The following TMC5 variants were observed in gnomAD, a reference collection of about 807,000 sequenced individuals.
TMC5 encodes the protein transmembrane channel-like protein 5.
TMC5 carries 86 observed loss-of-function variants against 110.5 expected under a neutral mutation model. The observed-to-expected ratio is 0.78, with a 90% CI of 0.65 to 0.93. TMC5 has a LOEUF of 0.93. Ranked by LOEUF, TMC5 falls within the 40% of genes least tolerant of loss-of-function variation. The pLI is 0.00. For synonymous variants in TMC5, 455 were observed against 439.5 expected (o/e 1.04, Z -0.44); for missense variants, 1,144 against 1,222.8 (o/e 0.94, Z 0.96).
At chr16:19,438,890 C>A (rs1967417017) in intron 2 of TMC5, among the ~76,000 whole-genome samples, 1 of 152,196 alleles carries the variant, frequency 6.6e-6, no homozygotes, top group Admixed American at 6.5e-5. Context: ...GCCTCCCCAG[C>A]CAGAATAGGT....
intron 6 of TMC5, among the ~76,000 whole-genome samples, chr16:19,461,621 T>G (rs1370055424): frequency 6.6e-6 from 1 of 151,918 alleles, no homozygotes; most frequent in East Asian, 1.9e-4. Context: ...CATAAAGACC[T>G]TAGGAGTTTT....
chr16:19,433,862 C>A (rs879529057), intron 2 of TMC5, among the ~76,000 whole-genome samples: 14 of 149,552 alleles, frequency 9.4e-5, no homozygotes, highest in Non-Finnish European at 1.6e-4. Flanking sequence ...ATTCTGTTGC[C>A]CAGGCTGGAG....
chr16:19,463,218 ATTTT>A, intron 6 of TMC5, 58 bp from the exon 7 acceptor site: 1 of 1,306,806 alleles, frequency 7.7e-7, no homozygotes, highest in South Asian at 1.2e-5. Flanking sequence ...CCATGTAACT[ATTTT>A]TTGAATGAAT....
Position 19,419,260 on chromosome 16 carries a change from G to A in TMC5, c.-308+1168G>A, listed in dbSNP as rs189066821. On this transcript the variant is annotated intron_variant, in intron 1 of 21. Transcript: ENST00000542583. ...GCATAGCCCTGTGCCTGGCATGCAT[G>A]TCAGCACTCAATAAATAGTGCTGTC... Among the ~76,000 whole-genome samples the A allele has an allele frequency of 2.8e-3, 429 of 152,192 alleles. 1 individual carries two copies. Among genetic ancestry groups the A allele is most frequent in the Non-Finnish European group, 4.4e-3 (298 of 68,020 alleles).
At chr16:19,497,285 G>T in intron 21 of TMC5, 122 bp downstream of exon 21, 1 of 1,034,784 alleles carries the variant, frequency 9.7e-7, no homozygotes, top group Non-Finnish European at 1.4e-6. Context: ...ATCCAAACTG[G>T]CTTAAACAAA....
At position 19,449,506 on chromosome 16, in the gene TMC5, G is replaced by C. The variant is rs774872102; in HGVS notation, c.959-36G>C. The C allele has an allele frequency of 3.2e-6, 5 of 1,556,298 alleles. No individual in the cohort carries two copies. The Admixed American group carries it at 8.3e-5, about 26-fold the overall frequency. ...ATGCCAGGAATGTCTAGTGTGGTGA[G>C]ACTAATCGGCAATATCTCCTTCCTC... On this transcript the variant is annotated intron_variant, in intron 4 of 21. Transcript: ENST00000542583.
chr16:19,455,468 G>A (rs1003076900), intron 5 of TMC5, among the ~76,000 whole-genome samples: 1 of 152,052 alleles, frequency 6.6e-6, no homozygotes, highest in Non-Finnish European at 1.5e-5. Context: ...AAAACAAGAA[G>A]CATGGAGGGA....
chr16:19,487,097 G>A, intron 16 of TMC5, 77 bp downstream of exon 16: 1 of 1,609,132 alleles, frequency 6.2e-7, no homozygotes, highest in Non-Finnish European at 8.5e-7. Context: ...GCTGGGGAAG[G>A]GGGCTCTGCA....
chr16:19,459,174 G>A (rs567005582), intron 5 of TMC5, among the ~76,000 whole-genome samples: 6 of 152,166 alleles, frequency 3.9e-5, no homozygotes, highest in South Asian at 2.1e-4. Context: ...GGACAGGACC[G>A]TGAGGATTGG....
At position 19,494,307 on chromosome 16, in the gene TMC5, C is replaced by T; in HGVS notation, c.2872C>T (p.Gln958Ter). 6.2e-7 allele frequency: 1 copy of T among 1,613,342 alleles called. No individual in the cohort carries two copies. The highest frequency in any genetic ancestry group is 8.5e-7 in the Non-Finnish European group (1 of 1,179,694). Reference sequence around the variant, plus strand: ...CCTGATAGAAAAATTGATCAAGCTGCAGGATATGGAGAAGAAAGCAAACCC... The same window carrying T: ...CCTGATAGAAAAATTGATCAAGCTGTAGGATATGGAGAAGAAAGCAAACCC... ...MFLIEKLIKL[Q>*]DMEKKANPSS... Residue 958 changes from glutamine to a stop codon, truncating the protein, a stop_gained, in exon 20 of 22, where the codon CAG becomes TAG. Transcript: ENST00000542583. LOFTEE classifies it high-confidence loss of function.
chr16:19,466,324 T>G, intron 9 of TMC5, 91 bp downstream of exon 9: 1 of 1,353,938 alleles, frequency 7.4e-7, no homozygotes, highest in South Asian at 1.3e-5. Context: ...GGTAACAGTT[T>G]CTCTGCAGTC....
At chr16:19,469,915 A>G (rs1261993199) in intron 10 of TMC5, 90 bp downstream of exon 10, 2 of 1,218,554 alleles carry the variant, frequency 1.6e-6, no homozygotes, top group Non-Finnish European at 2.3e-6. Context: ...TTTTTTTTGA[A>G]TTGGAGTCTC....
At chr16:19,486,293 G>C (rs939052341) in intron 15 of TMC5, among the ~76,000 whole-genome samples, 2 of 152,146 alleles carry the variant, frequency 1.3e-5, no homozygotes, top group Non-Finnish European at 2.9e-5. Flanking sequence ...TCTGTCTCAA[G>C]CCTCTCTCCC....
intron 19 of TMC5, among the ~76,000 whole-genome samples, 158 bp from the exon 20 acceptor site, chr16:19,494,104 T>C (rs1422768809): frequency 6.6e-6 from 1 of 152,148 alleles, no homozygotes; most frequent in Non-Finnish European, 1.5e-5. Context: ...GTGAAATGTT[T>C]CTTTTCTTTC....
chr16:19,468,775 C>G (rs752144752), intron 9 of TMC5, among the ~76,000 whole-genome samples: 9 of 152,176 alleles, frequency 5.9e-5, no homozygotes, highest in Non-Finnish European at 1.3e-4. Flanking sequence ...GGATTCTTCC[C>G]TAGAGCTTCC....
In TMC5 at chr16:19,421,368, G is replaced by T. The variant is rs186125389; in HGVS notation, c.-308+3276G>T. 3.9e-5 allele frequency among the ~76,000 whole-genome samples: 6 copies of T among 152,076 alleles called. No homozygotes were observed. The East Asian group carries it at 1.2e-3, about 29-fold the overall frequency. On this transcript the variant is annotated intron_variant, in intron 1 of 21. Coordinates refer to ENST00000542583, the MANE Select transcript of TMC5 (RefSeq NM_001261841.2). ...GGGAGGTAATTGAGTCATAGGGGTG[G>T]GTTTTTCCCATGCTGTTCTCATGGG...
chr16:19,460,576 G>A (rs1967996443), intron 6 of TMC5, among the ~76,000 whole-genome samples: 1 of 152,142 alleles, frequency 6.6e-6, no homozygotes, highest in African/African-American at 2.4e-5. Context: ...GTAGGGCGTG[G>A]AAGGAAGAGA....
chr16:19,454,968 A>G (rs931455648), intron 5 of TMC5, among the ~76,000 whole-genome samples: 15 of 151,718 alleles, frequency 9.9e-5, no homozygotes, highest in East Asian at 5.8e-4. Context: ...GTGAGACCCT[A>G]TGTCTTTAAA....
At chr16:19,441,774 G>T (rs531257354) in intron 3 of TMC5, among the ~76,000 whole-genome samples, 11 of 151,856 alleles carry the variant, frequency 7.2e-5, no homozygotes, top group African/African-American at 2.4e-5. Flanking sequence ...CCGGTTTTTT[G>T]TTGTTGTTGT....
Sources: allele counts gnomAD v4.1 joint callset (sites outside exome capture counted in the v4.1 genomes callset), GRCh38; gene constraint gnomAD v4.1.1; transcripts MANE v1.5; gene names NCBI Gene and HGNC (gene_info 2026-07-23, HGNC 2026-07-21).